RGS20: variants seen among roughly 807,000 people sequenced by gnomAD.
RGS20 encodes the protein regulator of G protein signaling 20.
In RGS20, 30 loss-of-function variants were observed where a neutral mutation model predicts 33.6. The observed-to-expected ratio is 0.89, with a 90% CI of 0.67 to 1.21. RGS20 has a LOEUF of 1.21. Ranked by LOEUF, RGS20 falls within the 50% of genes most tolerant of loss-of-function variation. The pLI, the probability that RGS20 is intolerant of heterozygous loss-of-function variation, is 0.00. For synonymous variants in RGS20, 208 were observed against 197.9 expected (o/e 1.05, Z -0.43); for missense variants, 472 against 502.4 (o/e 0.94, Z 0.58).
chr8:53,855,262 A>T (rs991280094), intron 1 of RGS20, among the ~76,000 whole-genome samples: 6 of 152,090 alleles, frequency 3.9e-5, no homozygotes, highest in Non-Finnish European at 8.8e-5. Flanking sequence ...ACAGGGTTTC[A>T]CCATGTTGGT....
intron 2 of RGS20, among the ~76,000 whole-genome samples, chr8:53,922,501 A>G (rs1813676581): frequency 6.6e-6 from 1 of 151,858 alleles, no homozygotes; most frequent in Admixed American, 6.6e-5. Context: ...CACTTTTCAC[A>G]TTGTCATTGA....
chr8:53,889,408 CTCTCTTTTT>C (rs1812639698), intron 2 of RGS20, among the ~76,000 whole-genome samples: 1 of 88,200 alleles, frequency 1.1e-5, no homozygotes, highest in African/African-American at 5.1e-5. Flanking sequence ...TTCTCTCTCT[CTCTCTTTTT>C]TTTTTTTTTT....
chr8:53,901,579 C>A (rs1047478354), intron 2 of RGS20, among the ~76,000 whole-genome samples: 1 of 152,182 alleles, frequency 6.6e-6, no homozygotes, highest in Non-Finnish European at 1.5e-5. Flanking sequence ...CTCTTAAATT[C>A]TGACACATGC....
chr8:53,941,371 A>G (rs990257020), intron 3 of RGS20, among the ~76,000 whole-genome samples: 18 of 152,172 alleles, frequency 1.2e-4, no homozygotes, highest in Non-Finnish European at 1.5e-5. Flanking sequence ...TCTCAGACAT[A>G]CGAAGGCCAA....
Position 53,940,652 on chromosome 8 carries a change from A to G in RGS20, c.659+928A>G, listed in dbSNP as rs534746116. 1.1e-3 allele frequency among the ~76,000 whole-genome samples: 160 copies of G among 152,344 alleles called. 2 individuals carry two copies. The highest frequency in any genetic ancestry group is 9.4e-4 in the African/African-American group (39 of 41,582). On this transcript the variant is annotated intron_variant, in intron 3 of 5. Transcript: ENST00000297313. ...CAACTCAGGCTAGTATTCATTTCCA[A>G]GAAGTTCCAATCTGGTGGAAGGGAC...
chr8:53,945,595 G>A (rs757020742), intron 3 of RGS20, among the ~76,000 whole-genome samples: 12 of 152,104 alleles, frequency 7.9e-5, no homozygotes, highest in Admixed American at 5.9e-4. Flanking sequence ...TAAACTTGAC[G>A]GCATATGAAT....
Position 53,936,466 on chromosome 8 carries a change from G to C in RGS20, c.511-3110G>C, listed in dbSNP as rs144638215. Among the ~76,000 whole-genome samples the C allele has an allele frequency of 6.4e-3, 968 of 152,174 alleles. 7 individuals carry two copies. The highest frequency in any genetic ancestry group is 0.021 in the African/African-American group (870 of 41,518). On this transcript the variant is annotated intron_variant, in intron 2 of 5. Coordinates refer to ENST00000297313, the MANE Select transcript of RGS20 (RefSeq NM_170587.4). ...CCTATACACCAAGAACAGACAAAAA[G>C]AGAGCCAAATCATGAGTGAACTCCG...
At chr8:53,908,521 TC>T (rs1813246465) in intron 2 of RGS20, among the ~76,000 whole-genome samples, 1 of 151,892 alleles carries the variant, frequency 6.6e-6, no homozygotes, top group South Asian at 2.1e-4. Flanking sequence ...GTGCCTGTAA[TC>T]CCAGCTACTC....
intron 1 of RGS20, among the ~76,000 whole-genome samples, chr8:53,864,156 T>G (rs1811869775): frequency 1.3e-5 from 2 of 151,974 alleles, no homozygotes; most frequent in African/African-American, 4.8e-5. Flanking sequence ...CAGATCATGG[T>G]GGCTCACACC....
intron 5 of RGS20, 23 bp downstream of exon 4, chr8:53,954,333 T>A: frequency 6.8e-7 from 1 of 1,466,808 alleles, no homozygotes. Flanking sequence ...GAGATGCCTT[T>A]TCCCAAGGCT....
chr8:53,953,809 T>A (rs931772368), intron 4 of RGS20, among the ~76,000 whole-genome samples: 9 of 152,328 alleles, frequency 5.9e-5, no homozygotes, highest in African/African-American at 2.2e-4. Flanking sequence ...TGCCCATTTG[T>A]AAACAAGCAT....
chr8:53,907,351 C>T (rs1280535585), intron 2 of RGS20, among the ~76,000 whole-genome samples: 1 of 152,004 alleles, frequency 6.6e-6, no homozygotes, highest in Admixed American at 6.6e-5. Flanking sequence ...CTTTGAGAGG[C>T]CGAGGTGGGC....
chr8:53,953,964 A>G, intron 4 of RGS20, 112 bp from the exon 4 acceptor site: 1 of 799,048 alleles, frequency 1.3e-6, no homozygotes, highest in East Asian at 2.5e-5. Flanking sequence ...AAGGGCCTAA[A>G]TGCATATATT....
In RGS20 at chr8:53,851,882, G is replaced by C; in HGVS notation, c.-18G>C. 1 of 1,612,910 alleles carries C rather than the reference G, an allele frequency of 6.2e-7. No homozygotes were observed. The highest frequency in any genetic ancestry group is 8.5e-7 in the Non-Finnish European group (1 of 1,179,396). ...AAACCAGGCAACAGGACTCATTTGG[G>C]GCCTTTATTGTGAAAACATGCCCCA... On this transcript the variant is annotated 5_prime_UTR_variant, in exon 1 of 6. Coordinates refer to ENST00000297313, the MANE Select transcript of RGS20 (RefSeq NM_170587.4).
chr8:53,859,009 G>A (rs1229282796), intron 1 of RGS20, among the ~76,000 whole-genome samples: 1 of 152,022 alleles, frequency 6.6e-6, no homozygotes, highest in African/African-American at 2.4e-5. Context: ...CAGGGGAGGA[G>A]GAAAGTAGGA....
At chr8:53,883,851 C>A (rs981633994) in intron 2 of RGS20, among the ~76,000 whole-genome samples, 3 of 151,518 alleles carry the variant, frequency 2.0e-5, no homozygotes, top group African/African-American at 7.3e-5. Flanking sequence ...GGGGCTGAGG[C>A]AGGAGAATTG....
intron 1 of RGS20, among the ~76,000 whole-genome samples, chr8:53,858,581 G>A (rs1811735529): frequency 6.6e-6 from 1 of 151,966 alleles, no homozygotes; most frequent in Admixed American, 6.6e-5. Flanking sequence ...GTGCTTTTCA[G>A]ATATACATTG....
chr8:53,868,881 T>C (rs1357407016), intron 1 of RGS20, among the ~76,000 whole-genome samples: 1 of 152,084 alleles, frequency 6.6e-6, no homozygotes, highest in Non-Finnish European at 1.5e-5. Flanking sequence ...GTCTCCCAAG[T>C]AGCTGGGATT....
At chr8:53,954,392 A>G in intron 5 of RGS20, 82 bp downstream of exon 4, 3 of 917,950 alleles carry the variant, frequency 3.3e-6, no homozygotes, top group South Asian at 1.4e-5. Context: ...GGCCGGGCAC[A>G]GTGGCTCACG....
Sources: allele counts gnomAD v4.1 joint callset (sites outside exome capture counted in the v4.1 genomes callset), GRCh38; gene constraint gnomAD v4.1.1; transcripts MANE v1.5; gene names NCBI Gene and HGNC (gene_info 2026-07-23, HGNC 2026-07-21).